The following LMF1 variants were observed in gnomAD, a reference collection of about 807,000 sequenced individuals.
LMF1 encodes transmembrane protein 112.
LMF1 carries 68 observed loss-of-function variants against 60.6 expected under a neutral mutation model. That is an observed-to-expected ratio of 1.12 (90% confidence interval 0.92 to 1.37). The LOEUF is 1.37. LMF1 is among the 40% of genes most tolerant of loss of function. The probability of loss-of-function intolerance (pLI) is 0.00; values close to 1 mark genes in which losing one functional copy is unlikely to be tolerated. For missense variants in LMF1, 948 were observed against 767.2 expected (o/e 1.24, Z -2.78); for synonymous variants, 418 against 324.7 (o/e 1.29, Z -3.09).
Position 922,665 on chromosome 16 carries a change from G to T in LMF1, c.514+11579C>A, listed in dbSNP as rs867831595. On this transcript the variant is annotated intron_variant, in intron 3 of 10. Transcript: ENST00000262301. ...TGTGTGAAAGTCGCCTGGGTTTTCG[G>T]GTGTGATGTGGTATTGGTGTCGTGT... Among the ~76,000 whole-genome samples, 18 of 141,596 alleles carry T rather than the reference G, an allele frequency of 1.3e-4. 3 individuals carry two copies. Among genetic ancestry groups the T allele is most frequent in the African/African-American group, 1.6e-4 (6 of 38,482 alleles). 92.9% of individuals were successfully genotyped at this position (141,596 alleles called of 152,430 possible).
intron 3 of LMF1, among the ~76,000 whole-genome samples, chr16:925,180 T>C (rs1161793177): frequency 6.6e-6 from 1 of 152,220 alleles, no homozygotes; most frequent in Non-Finnish European, 1.5e-5. Context: ...GAAGAGCAGA[T>C]GCCACCAAAC....
intron 1 of LMF1, chr16:976,947 G>C (rs1256523856): frequency 8.8e-6 from 4 of 453,730 alleles, no homozygotes; most frequent in East Asian, 7.0e-5. Context: ...GGGAGTGCGA[G>C]GTGAAGATGG....
At chr16:928,073 C>T (rs1162584684) in intron 3 of LMF1, among the ~76,000 whole-genome samples, 2 of 152,204 alleles carry the variant, frequency 1.3e-5, no homozygotes, top group East Asian at 3.9e-4. Flanking sequence ...CAACCTGCAA[C>T]GAAACCTGGG....
At chr16:869,596 G>T (rs9933315) in intron 9 of LMF1, 19,260 of 643,634 alleles carry the variant, frequency 0.03, 1,988 homozygotes, top group African/African-American at 0.26. Context: ...CTTTTGTATT[G>T]TTCGTAGATA....
At position 913,340 on chromosome 16, in the gene LMF1, C is replaced by T. The variant is rs776315707; in HGVS notation, c.515-2261G>A. On this transcript the variant is annotated intron_variant, in intron 3 of 10. Coordinates refer to ENST00000262301, the MANE Select transcript of LMF1 (RefSeq NM_022773.4). The stretch of plus-strand genomic sequence containing the variant: ...TGTGGGGAACATTCACTTCCACGGC[C>T]GCTGCTCTCCTTCCTGCGACACAGA... Among the ~76,000 whole-genome samples, 7 of 152,358 alleles carry T rather than the reference C, an allele frequency of 4.6e-5. No homozygotes were observed. The South Asian group carries it at 8.3e-4, about 18-fold the overall frequency.
chr16:893,072 C>A lies in LMF1; in HGVS notation c.664G>T (p.Gly222Cys). Residue 222 changes from glycine (G) to cysteine (C), a missense_variant and splice_region_variant, in exon 5 of 11, where the codon GGC becomes TGC. Physicochemically the swap from Gly to Cys is radical, Grantham distance 159. Transcript: ENST00000262301. Reference sequence around the variant, plus strand: ...CGGTCCCCCCGGATCTTGATCAGGCCCTGCAAGGAAGAGAGCAGAGGGAGA... The same window carrying A: ...CGGTCCCCCCGGATCTTGATCAGGCACTGCAAGGAAGAGAGCAGAGGGAGA... ...WLIFRIMLGA[G>C]LIKIRGDRCW... is the part of the protein sequence containing the mutation. The A allele has an allele frequency of 6.4e-7, 1 of 1,553,874 alleles. No individual in the cohort carries two copies. Among genetic ancestry groups the A allele is most frequent in the East Asian group, 2.4e-5 (1 of 41,128 alleles).
rs1162829532 is a variant in LMF1 at position 901,275 on chromosome 16, G to A, written c.664-8203C>T. The A allele has an allele frequency of 2.6e-5, 4 of 152,304 alleles. No individual in the cohort carries two copies. In the East Asian group the frequency reaches 7.7e-4, roughly 29 times the overall value. The allele number at this position is 152,304 out of a possible 1,614,324, so 9.4% of individuals were successfully genotyped here. A position where few individuals can be genotyped will look rare whatever the true frequency, so the allele number is the denominator to read the frequency against. Reference sequence around the variant, plus strand: ...CCCAACACAGCCCAGTTCATCAGGAGGAAGTGATCAACGGTGGTTTGGCTC... The same window carrying A: ...CCCAACACAGCCCAGTTCATCAGGAAGAAGTGATCAACGGTGGTTTGGCTC... On this transcript the variant is annotated intron_variant, in intron 4 of 10. Transcript: ENST00000262301.
intron 5 of LMF1, among the ~76,000 whole-genome samples, chr16:887,897 G>T (rs757012256): frequency 8.5e-5 from 13 of 152,170 alleles, no homozygotes; most frequent in Non-Finnish European, 1.8e-4. Flanking sequence ...CAGGCTGCCG[G>T]CCACAGGCTG....
chr16:959,517 G>A (rs1463511035), intron 1 of LMF1, among the ~76,000 whole-genome samples: 2 of 152,144 alleles, frequency 1.3e-5, no homozygotes, highest in African/African-American at 4.8e-5. Flanking sequence ...ACTTCAATGT[G>A]CACAAACTAT....
rs750070221 is a variant in LMF1, at chr16:871,174, G to A, written c.1065C>T (p.Pro355=). ...QMQRDIRGAR[P]EPRFGSVVRR... is the part of the protein sequence containing the mutation. ...TGAGCCACCTACCGAATCTGGGCTC[G>A]GGCCGGGCCCCTCGGATGTCCCTCT... The change falls in exon 7 of 11, where the codon CCC becomes CCT. Residue 355 remains proline, a synonymous_variant. Transcript: ENST00000262301. 28 of 1,596,634 alleles carry A rather than the reference G, an allele frequency of 1.8e-5. No individual in the cohort carries two copies. The highest frequency in any genetic ancestry group is 1.5e-4 in the African/African-American group (11 of 74,636).
chr16:905,138 C>A, intron 4 of LMF1: 1 of 166,102 alleles, frequency 6.0e-6, no homozygotes, highest in South Asian at 1.2e-4. Flanking sequence ...CTCTGCACTG[C>A]CCACAGGACG....
At chr16:889,206 G>A (rs1014272242) in intron 5 of LMF1, among the ~76,000 whole-genome samples, 32 of 152,228 alleles carry the variant, frequency 2.1e-4, no homozygotes, top group Admixed American at 6.5e-4. Context: ...AGAGCCACCC[G>A]GTCGCCTTTC....
chr16:967,001 G>A (rs2072937741), intron 1 of LMF1, among the ~76,000 whole-genome samples: 1 of 152,240 alleles, frequency 6.6e-6, no homozygotes, highest in South Asian at 2.1e-4. Flanking sequence ...CAGTCCAGGA[G>A]AACCCACCCA....
At chr16:891,235 T>A (rs2070478800) in intron 5 of LMF1, among the ~76,000 whole-genome samples, 1 of 150,798 alleles carries the variant, frequency 6.6e-6, no homozygotes, top group African/African-American at 2.4e-5. Flanking sequence ...GCATGACCCG[T>A]CCCCCAGAAA....
chr16:889,666 G>A (rs1211368993), intron 5 of LMF1, among the ~76,000 whole-genome samples: 1 of 152,176 alleles, frequency 6.6e-6, no homozygotes, highest in Non-Finnish European at 1.5e-5. Flanking sequence ...CAGCAAAAGG[G>A]CCTGAGATCC....
intron 5 of LMF1, among the ~76,000 whole-genome samples, chr16:882,781 T>A (rs935359334): frequency 3.4e-5 from 5 of 146,130 alleles, no homozygotes; most frequent in Non-Finnish European, 7.4e-5. Context: ...GCGGGGCCCA[T>A]CGCAGGACCA....
chr16:870,903 T>G, intron 7 of LMF1, 21 bp from the exon 8 acceptor site: 6 of 1,590,480 alleles, frequency 3.8e-6, no homozygotes, highest in Non-Finnish European at 5.1e-6. Flanking sequence ...AGTGACATCT[T>G]CCAGGTGGGG....
intron 4 of LMF1, among the ~76,000 whole-genome samples, chr16:907,406 GAA>G (rs921252114): frequency 7.1e-6 from 1 of 141,258 alleles, no homozygotes; most frequent in Non-Finnish European, 1.6e-5. Flanking sequence ...ATCTCAAAAA[GAA>G]AAAAAAAAAA....
intron 10 of LMF1, among the ~76,000 whole-genome samples, chr16:863,441 C>A (rs969424533): frequency 6.8e-6 from 1 of 146,264 alleles, no homozygotes; most frequent in African/African-American, 2.8e-5. Flanking sequence ...CACACCCAAC[C>A]TCTTTTTTCA....
Sources: allele counts gnomAD v4.1 joint callset (sites outside exome capture counted in the v4.1 genomes callset), GRCh38; gene constraint gnomAD v4.1.1; transcripts MANE v1.5; gene names NCBI Gene and HGNC (gene_info 2026-07-23, HGNC 2026-07-21).